Variants in MCPH1 observed in about 807,000 individuals in gnomAD.
MCPH1 encodes microcephalin 1.
MCPH1 carries 104 observed loss-of-function variants against 84.5 expected under a neutral mutation model. The observed-to-expected ratio is 1.23, with a 90% CI of 1.05 to 1.45. The LOEUF is 1.45. MCPH1 is among the 40% of genes most tolerant of loss of function. The probability of loss-of-function intolerance (pLI) is 0.00; values close to 1 mark genes in which losing one functional copy is unlikely to be tolerated. For missense variants in MCPH1, 1,498 were observed against 1,005.7 expected (o/e 1.49, Z -6.62); for synonymous variants, 514 against 366.8 (o/e 1.40, Z -4.58).
chr8:6,539,292 A>G (rs1401599984), intron 12 of MCPH1, among the ~76,000 whole-genome samples: 1 of 152,110 alleles, frequency 6.6e-6, no homozygotes, highest in Non-Finnish European at 1.5e-5. Context: ...AATTTCTAGA[A>G]CCTAGAAAAG....
At chr8:6,518,054 T>G (rs1361891592) in intron 12 of MCPH1, among the ~76,000 whole-genome samples, 1 of 152,200 alleles carries the variant, frequency 6.6e-6, no homozygotes, top group Non-Finnish European at 1.5e-5. Context: ...ATTTTCATCT[T>G]TCTGCAGAAT....
chr8:6,629,875 T>C (rs538744380), intron 13 of MCPH1, among the ~76,000 whole-genome samples: 1 of 152,302 alleles, frequency 6.6e-6, no homozygotes, highest in East Asian at 1.9e-4. Context: ...AGAATCTTCC[T>C]TGGTAAGAAG....
chr8:6,488,316 C>T (rs1316692418), intron 11 of MCPH1, among the ~76,000 whole-genome samples: 3 of 152,168 alleles, frequency 2.0e-5, no homozygotes, highest in Admixed American at 6.5e-5. Context: ...AGGACAGATA[C>T]CAAAAAGTGA....
chr8:6,505,424 A>AAGAATATATATATTCTTTATATACATAT (rs1563307033), intron 12 of MCPH1, among the ~76,000 whole-genome samples: 2 of 67,590 alleles, frequency 3.0e-5, no homozygotes, highest in African/African-American at 4.7e-5. Flanking sequence ...TATATACATA[A>AAGAATATATATATTCTTTATATACATAT]AGAATATATA....
chr8:6,533,635 A>G (rs143417548), intron 12 of MCPH1, among the ~76,000 whole-genome samples: 123 of 147,204 alleles, frequency 8.4e-4, no homozygotes, highest in African/African-American at 2.8e-3. Flanking sequence ...TCCCTGGTCC[A>G]AAGTATAAGC....
At chr8:6,537,071 C>G (rs1230443139) in intron 12 of MCPH1, among the ~76,000 whole-genome samples, 1 of 151,980 alleles carries the variant, frequency 6.6e-6, no homozygotes, top group Non-Finnish European at 1.5e-5. Flanking sequence ...TCCCTGTCAT[C>G]TGCACCGAAC....
intron 13 of MCPH1, among the ~76,000 whole-genome samples, chr8:6,630,006 C>G (rs1376128316): frequency 6.6e-6 from 1 of 151,998 alleles, no homozygotes; most frequent in Non-Finnish European, 1.5e-5. Flanking sequence ...CAGTTTGGAG[C>G]AAGAGAAAAA....
chr8:6,629,704 C>A (rs771218836), intron 13 of MCPH1, among the ~76,000 whole-genome samples: 2 of 152,156 alleles, frequency 1.3e-5, no homozygotes, highest in East Asian at 3.8e-4. Flanking sequence ...GTTATGGTAG[C>A]CTGAGCAAAC....
chr8:6,547,563 C>T (rs1239422144), intron 12 of MCPH1, among the ~76,000 whole-genome samples: 2 of 152,158 alleles, frequency 1.3e-5, no homozygotes, highest in Non-Finnish European at 2.9e-5. Flanking sequence ...GGCGCAGAGT[C>T]ACAGTAGCAC....
intron 12 of MCPH1, among the ~76,000 whole-genome samples, chr8:6,588,579 C>T (rs1828183139): frequency 6.6e-6 from 1 of 152,226 alleles, no homozygotes; most frequent in Non-Finnish European, 1.5e-5. Flanking sequence ...GTTGAACCAG[C>T]ACTGAACTGC....
At chr8:6,481,609 T>G (rs1321163527) in intron 11 of MCPH1, among the ~76,000 whole-genome samples, 2 of 152,194 alleles carry the variant, frequency 1.3e-5, no homozygotes, top group African/African-American at 4.8e-5. Context: ...CATACTGTGT[T>G]CATTTAAACC....
At chr8:6,474,268 G>A (rs1808145828) in intron 9 of MCPH1, 2 of 557,224 alleles carry the variant, frequency 3.6e-6, no homozygotes, top group Non-Finnish European at 6.6e-6. Context: ...CCACATTAAT[G>A]TATTTCAATC....
rs747662790 is a variant in MCPH1 at position 6,482,647 on chromosome 8, G to A, written c.2136+1771G>A. Among the ~76,000 whole-genome samples, 5 of 152,186 alleles carry A rather than the reference G, an allele frequency of 3.3e-5. No individual in the cohort carries two copies. In the East Asian group the frequency reaches 5.8e-4, roughly 18 times the overall value. ...GTCCATAGAGGTCAGACGTGAGAACGTACTGCCTTTGCTGTCGACATGGAT... is the reference window on the plus strand; with the variant it reads ...GTCCATAGAGGTCAGACGTGAGAACATACTGCCTTTGCTGTCGACATGGAT... On this transcript the variant is annotated intron_variant, in intron 11 of 13. Transcript: ENST00000344683.
intron 11 of MCPH1, among the ~76,000 whole-genome samples, chr8:6,491,688 A>G (rs1301078012): frequency 2.0e-5 from 3 of 151,294 alleles, no homozygotes; most frequent in Admixed American, 2.0e-4. Context: ...ATGTCTTCTC[A>G]TTGTTCAATT....
intron 9 of MCPH1, among the ~76,000 whole-genome samples, chr8:6,459,187 C>T (rs907663185): frequency 5.9e-5 from 9 of 152,036 alleles, no homozygotes; most frequent in African/African-American, 2.2e-4. Context: ...TCTTTTTTTC[C>T]CATTAAATAG....
At chr8:6,424,257 T>A (rs754225292) in intron 3 of MCPH1, among the ~76,000 whole-genome samples, 7 of 152,226 alleles carry the variant, frequency 4.6e-5, no homozygotes, top group Non-Finnish European at 1.0e-4. Context: ...TAAGTTCTGT[T>A]GAAGACAATT....
At chr8:6,568,360 A>C (rs1191587182) in intron 12 of MCPH1, among the ~76,000 whole-genome samples, 1 of 152,020 alleles carries the variant, frequency 6.6e-6, no homozygotes, top group Non-Finnish European at 1.5e-5. Context: ...GTTCCCCCAG[A>C]GCAATCCGTG....
chr8:6,417,070 C>T (rs1014991920), intron 3 of MCPH1, among the ~76,000 whole-genome samples: 4 of 151,522 alleles, frequency 2.6e-5, no homozygotes, highest in East Asian at 1.9e-4. Context: ...TTAAGTGTCT[C>T]GATATGGTTT....
In MCPH1 at chr8:6,604,658, C is replaced by A. The variant is rs545053088; in HGVS notation, c.2215-16796C>A. On this transcript the variant is annotated intron_variant, in intron 12 of 13. Coordinates refer to ENST00000344683, the MANE Select transcript of MCPH1 (RefSeq NM_024596.5). ...TAGCTAGGACTATACGTGCGTGCCACCACGCCTGGCTAGTTTTTGTATTTG... is the reference window on the plus strand; with the variant it reads ...TAGCTAGGACTATACGTGCGTGCCAACACGCCTGGCTAGTTTTTGTATTTG... Among the ~76,000 whole-genome samples, 318 of 152,340 alleles carry A rather than the reference C, an allele frequency of 2.1e-3. 3 individuals are homozygous for A. The highest frequency in any genetic ancestry group is 7.4e-3 in the African/African-American group (306 of 41,578).
Sources: gnomAD v4.1 joint callset for allele counts (sites outside exome capture counted in the v4.1 genomes callset) on GRCh38, gnomAD v4.1.1 for gene constraint, MANE v1.5 for transcripts, NCBI Gene and HGNC (gene_info 2026-07-23, HGNC 2026-07-21) for gene names.